FBXL2: variants seen among roughly 807,000 people sequenced by gnomAD.
FBXL2 encodes the protein F-box/LRR-repeat protein 2.
FBXL2 carries 38 observed loss-of-function variants against 69.2 expected under a neutral mutation model. The observed-to-expected ratio is 0.55, with a 90% CI of 0.42 to 0.72. The LOEUF (loss-of-function observed/expected upper bound fraction) is 0.72, where lower values mean the gene tolerates loss of function less well. Ranked by LOEUF, FBXL2 falls within the 30% of genes least tolerant of loss-of-function variation. FBXL2 has a pLI of 0.00. For synonymous variants in FBXL2, 192 were observed against 201.3 expected (o/e 0.95, Z 0.39); for missense variants, 354 against 520.3 (o/e 0.68, Z 3.11).
intron 2 of FBXL2, among the ~76,000 whole-genome samples, chr3:33,335,539 C>G (rs527533370): frequency 8.6e-5 from 13 of 151,714 alleles, no homozygotes; most frequent in Non-Finnish European, 1.9e-4. Context: ...GACCCTGTCT[C>G]AAAAAATAAA....
chr3:33,400,135 C>T (rs1036070767), intron 12 of FBXL2: 53 of 1,216,236 alleles, frequency 4.4e-5, no homozygotes, highest in Non-Finnish European at 5.6e-5. Flanking sequence ...AATAAAAGCA[C>T]AGAAACAAAA....
the FBXL2 span, among the ~76,000 whole-genome samples, chr3:33,414,906 G>A: frequency 6.6e-6 from 1 of 152,160 alleles, no homozygotes; most frequent in East Asian, 1.9e-4. Flanking sequence ...CTAGTGTTAT[G>A]TCAGCAAAAC....
intron 9 of FBXL2, 100 bp downstream of exon 9, chr3:33,374,021 C>T: frequency 9.4e-7 from 1 of 1,064,774 alleles, no homozygotes; most frequent in Non-Finnish European, 1.4e-6. Context: ...CTGAGATGGG[C>T]TGTGTTGCCA....
intron 12 of FBXL2, chr3:33,401,105 A>T (rs1369677656): frequency 1.6e-6 from 2 of 1,285,066 alleles, no homozygotes; most frequent in Non-Finnish European, 2.1e-6. Context: ...CATTGTAACT[A>T]TGCAAATTTC....
intron 5 of FBXL2, among the ~76,000 whole-genome samples, chr3:33,370,885 T>A (rs1410742344): frequency 6.6e-6 from 1 of 152,218 alleles, no homozygotes; most frequent in African/African-American, 2.4e-5. Flanking sequence ...TCTATGGGTT[T>A]ATTGTTTTCA....
chr3:33,412,705 T>C, the FBXL2 span: 2 of 1,535,050 alleles, frequency 1.3e-6, no homozygotes, highest in East Asian at 2.2e-5. Flanking sequence ...CCATGGTCTT[T>C]TGATCACTGC....
chr3:33,409,277 CT>C, the FBXL2 span: 2 of 1,614,134 alleles, frequency 1.2e-6, no homozygotes, highest in Non-Finnish European at 1.7e-6. Flanking sequence ...TGATACTTTT[CT>C]TTTTCATGAG....
At chr3:33,375,523 C>T (rs1424324148) in intron 10 of FBXL2, 105 bp downstream of exon 10, 8 of 1,338,612 alleles carry the variant, frequency 6.0e-6, no homozygotes, top group Non-Finnish European at 7.3e-6. Context: ...GTGGTGGAGG[C>T]AGTAGTTATG....
chr3:33,309,843 G>A (rs2037033128), intron 2 of FBXL2, among the ~76,000 whole-genome samples: 1 of 152,038 alleles, frequency 6.6e-6, no homozygotes, highest in Non-Finnish European at 1.5e-5. Flanking sequence ...GTTATAGCAC[G>A]CTATTTTAAG....
chr3:33,348,827 C>A (rs1320736990), intron 2 of FBXL2, among the ~76,000 whole-genome samples: 1 of 152,056 alleles, frequency 6.6e-6, no homozygotes, highest in African/African-American at 2.4e-5. Context: ...AGGGATCTTT[C>A]ACTTCTTTGC....
At chr3:33,317,464 A>G (rs1440192513) in intron 2 of FBXL2, 1 of 456,516 alleles carries the variant, frequency 2.2e-6, no homozygotes, top group East Asian at 7.0e-5. Flanking sequence ...ACTGTCTCTC[A>G]CCCCATATTC....
intron 2 of FBXL2, among the ~76,000 whole-genome samples, chr3:33,323,472 C>A (rs746648718): frequency 3.0e-4 from 46 of 152,234 alleles, no homozygotes; most frequent in Middle Eastern, 3.4e-3. Flanking sequence ...CCCCCGACGC[C>A]CAACAGGCCC....
chr3:33,371,210 G>A (rs1014394233), intron 5 of FBXL2, among the ~76,000 whole-genome samples: 11 of 150,246 alleles, frequency 7.3e-5, no homozygotes, highest in African/African-American at 2.7e-4. Flanking sequence ...TGTGGCCCAG[G>A]CTAGAGTGTA....
chr3:33,381,332 G>A (rs973436672), intron 13 of FBXL2, among the ~76,000 whole-genome samples: 5 of 152,208 alleles, frequency 3.3e-5, no homozygotes, highest in East Asian at 3.9e-4. Context: ...ACGTATATAC[G>A]TGTGAATCCA....
chr3:33,421,636 A>G, the FBXL2 span, among the ~76,000 whole-genome samples: 3 of 152,250 alleles, frequency 2.0e-5, no homozygotes, highest in African/African-American at 7.2e-5. Flanking sequence ...AAATGACACT[A>G]AGACATCAAT....
intron 2 of FBXL2, chr3:33,317,573 T>C (rs1321318716): frequency 2.2e-6 from 1 of 454,750 alleles, no homozygotes; most frequent in Non-Finnish European, 4.4e-6. Context: ...GAGATTCTGC[T>C]AAACAGATAT....
At chr3:33,300,985 A>G (rs55849627) in intron 2 of FBXL2, among the ~76,000 whole-genome samples, 1,905 of 152,052 alleles carry the variant, frequency 0.013, 40 homozygotes, top group African/African-American at 0.043. Context: ...TTACAGGTGT[A>G]AGCCACTGCG....
chr3:33,281,147 C>G (rs945964950), intron 1 of FBXL2, among the ~76,000 whole-genome samples: 1 of 151,842 alleles, frequency 6.6e-6, no homozygotes, highest in South Asian at 2.1e-4. Flanking sequence ...TGTGCTGTAC[C>G]CGTTGTCATT....
In FBXL2 at chr3:33,364,864, G is replaced by C. The variant is rs964297001; in HGVS notation, c.290+145G>C. ...GAGTAATGAGAGGACCAGGACTTTG[G>C]AATAGCAAACCTGGGTTGGAAACCG... On this transcript the variant is annotated intron_variant, in intron 5 of 14. Coordinates refer to ENST00000484457, the MANE Select transcript of FBXL2 (RefSeq NM_012157.5). The C allele has an allele frequency of 5.4e-6, 4 of 740,370 alleles. No individual in the cohort carries two copies. The African/African-American group carries it at 7.0e-5, about 13-fold the overall frequency. 45.9% of individuals were successfully genotyped at this position (740,370 alleles called of 1,614,324 possible).
Sources: allele counts gnomAD v4.1 joint callset (sites outside exome capture counted in the v4.1 genomes callset), GRCh38; gene constraint gnomAD v4.1.1; transcripts MANE v1.5; gene names NCBI Gene and HGNC (gene_info 2026-07-23, HGNC 2026-07-21).